AGBL4: variants seen among roughly 807,000 people sequenced by gnomAD.
AGBL4 encodes cytosolic carboxypeptidase 6.
Under a neutral mutation model 66.4 loss-of-function variants are expected in AGBL4, and 58 were observed. That is an observed-to-expected ratio of 0.87 (90% CI 0.71 to 1.09). The LOEUF is 1.09. AGBL4 is among the 50% of genes least tolerant of loss of function. The pLI is 0.00. For synonymous variants in AGBL4, 234 were observed against 222.9 expected (o/e 1.05, Z -0.44); for missense variants, 579 against 631.0 (o/e 0.92, Z 0.88).
intron 5 of AGBL4, among the ~76,000 whole-genome samples, chr1:48,990,510 A>G (rs936574481): frequency 4.6e-5 from 7 of 152,142 alleles, no homozygotes; most frequent in Admixed American, 2.0e-4. Flanking sequence ...TAGTAGTTTC[A>G]TAGTTTGGGG....
At chr1:49,757,906 G>A (rs950421657) in intron 2 of AGBL4, among the ~76,000 whole-genome samples, 1 of 152,206 alleles carries the variant, frequency 6.6e-6, no homozygotes, top group African/African-American at 2.4e-5. Context: ...GGAGCTGAAT[G>A]TTAATTGATA....
chr1:49,322,537 T>A (rs991561908), intron 3 of AGBL4, among the ~76,000 whole-genome samples: 3 of 152,180 alleles, frequency 2.0e-5, no homozygotes, highest in African/African-American at 2.4e-5. Context: ...TGAGATGAAA[T>A]CATCTTAGAT....
rs528561103 is a variant in AGBL4 at position 49,883,008 on chromosome 1, A to G, written c.35-31490T>C. Among the ~76,000 whole-genome samples, 11 of 152,270 alleles carry G rather than the reference A, an allele frequency of 7.2e-5. No individual in the cohort carries two copies. In the South Asian group the frequency reaches 2.1e-3, roughly 29 times the overall value. The stretch of plus-strand genomic sequence containing the variant: ...CCTACCTCTGCCTACACGTACATGC[A>G]AAAAATTTAACATGGCTTTAATAAA... On this transcript the variant is annotated intron_variant, in intron 1 of 13. Coordinates refer to ENST00000371839, the MANE Select transcript of AGBL4 (RefSeq NM_032785.4).
intron 6 of AGBL4, among the ~76,000 whole-genome samples, chr1:48,692,496 C>T (rs886475586): frequency 1.3e-5 from 2 of 152,148 alleles, no homozygotes; most frequent in Non-Finnish European, 2.9e-5. Context: ...GGGAGAGGAG[C>T]GTGGGCTGGC....
intron 5 of AGBL4, among the ~76,000 whole-genome samples, chr1:49,030,240 C>T (rs949374417): frequency 1.2e-4 from 18 of 152,000 alleles, no homozygotes; most frequent in Admixed American, 6.6e-4. Context: ...GGAACCTTCA[C>T]GAATGGGTTT....
intron 3 of AGBL4, among the ~76,000 whole-genome samples, chr1:49,430,130 G>C (rs1326770050): frequency 2.0e-5 from 3 of 152,102 alleles, no homozygotes; most frequent in African/African-American, 7.2e-5. Context: ...TGGGATTACA[G>C]GCGTGAGACA....
Position 50,019,306 on chromosome 1 carries a change from T to TCTCACACACACA in AGBL4, c.34+4456_34+4457insTGTGTGTGTGAG, listed in dbSNP as rs1167835143. 2.6e-3 allele frequency among the ~76,000 whole-genome samples: 127 copies of TCTCACACACACA among 48,440 alleles called. 1 individual carries two copies. Among genetic ancestry groups the TCTCACACACACA allele is most frequent in the East Asian group, 0.012 (11 of 940 alleles). The allele number at this position is 48,440 out of a possible 152,430, so 31.8% of individuals were successfully genotyped here. A position where few individuals can be genotyped will look rare whatever the true frequency, so the allele number is the denominator to read the frequency against. On this transcript the variant is annotated intron_variant, in intron 1 of 13. Transcript: ENST00000371839. ...CTCTCTCTCTCTCTCTCTCTCTCTC[T>TCTCACACACACA]CACACACACACACACACACACACAC...
intron 1 of AGBL4, among the ~76,000 whole-genome samples, chr1:49,909,772 T>C (rs906897951): frequency 6.6e-6 from 1 of 152,310 alleles, no homozygotes; most frequent in South Asian, 2.1e-4. Flanking sequence ...TCAGGACTCA[T>C]TCATCAGGAT....
chr1:49,404,263 T>C (rs900044739), intron 3 of AGBL4, among the ~76,000 whole-genome samples: 3 of 151,996 alleles, frequency 2.0e-5, no homozygotes, highest in Admixed American at 6.6e-5. Flanking sequence ...TATAGGAAAA[T>C]ACACCAGAAA....
chr1:48,894,176 T>C (rs1359460777), intron 5 of AGBL4, among the ~76,000 whole-genome samples: 1 of 152,240 alleles, frequency 6.6e-6, no homozygotes, highest in African/African-American at 2.4e-5. Flanking sequence ...GCTGAAATGA[T>C]GAAGATTTAG....
chr1:49,404,711 T>C (rs531653706), intron 3 of AGBL4, among the ~76,000 whole-genome samples: 1 of 152,368 alleles, frequency 6.6e-6, no homozygotes, highest in East Asian at 1.9e-4. Flanking sequence ...TGGTTTAATA[T>C]GGCAGATTTT....
chr1:49,865,231 C>T (rs1646672899), intron 1 of AGBL4, among the ~76,000 whole-genome samples: 1 of 152,162 alleles, frequency 6.6e-6, no homozygotes, highest in Admixed American at 6.5e-5. Flanking sequence ...CGCCCCAGTG[C>T]AGACAGCCCC....
At chr1:49,117,784 G>T (rs1372376824) in intron 4 of AGBL4, among the ~76,000 whole-genome samples, 1 of 152,062 alleles carries the variant, frequency 6.6e-6, no homozygotes, top group Non-Finnish European at 1.5e-5. Flanking sequence ...GATGGGGATG[G>T]CATTGAATCT....
At chr1:49,261,309 G>C (rs1192121060) in intron 3 of AGBL4, among the ~76,000 whole-genome samples, 2 of 152,192 alleles carry the variant, frequency 1.3e-5, no homozygotes, top group East Asian at 3.9e-4. Context: ...TTCTGGCCAA[G>C]GAAATTAGGC....
intron 5 of AGBL4, among the ~76,000 whole-genome samples, chr1:48,922,087 T>C (rs922720873): frequency 1.3e-5 from 2 of 152,316 alleles, no homozygotes; most frequent in East Asian, 1.9e-4. Flanking sequence ...ACAGCCCTTC[T>C]AGTTTAAGGA....
At chr1:49,897,507 T>G (rs536507290) in intron 1 of AGBL4, among the ~76,000 whole-genome samples, 11 of 152,134 alleles carry the variant, frequency 7.2e-5, no homozygotes, top group African/African-American at 2.6e-4. Context: ...GAAGAATCAA[T>G]ATTATTAAAA....
At chr1:48,829,332 A>G (rs1161161247) in intron 6 of AGBL4, among the ~76,000 whole-genome samples, 1 of 152,240 alleles carries the variant, frequency 6.6e-6, no homozygotes, top group Non-Finnish European at 1.5e-5. Flanking sequence ...GTTACAGCCT[A>G]TGCCGTTGGC....
chr1:48,966,174 T>C (rs565182669), intron 5 of AGBL4, among the ~76,000 whole-genome samples: 3 of 152,274 alleles, frequency 2.0e-5, no homozygotes, highest in Admixed American at 6.5e-5. Flanking sequence ...CGTCAACCCA[T>C]GCTTTCTTCT....
At position 48,776,385 on chromosome 1, in the gene AGBL4, TCGGGGAAG is replaced by T. The variant is rs1203036928; in HGVS notation, c.634+90798_634+90805del. Among the ~76,000 whole-genome samples the T allele has an allele frequency of 3.3e-5, 5 of 152,126 alleles. No individual in the cohort carries two copies. In the East Asian group the frequency reaches 9.7e-4, roughly 29 times the overall value. Reference sequence around the variant, plus strand: ...AAGACGGACTGACAGCGCGGGAGCTTCGGGGAAGCGGGGAAGACAAAGGGGACCATCCG... The same window carrying T: ...AAGACGGACTGACAGCGCGGGAGCTTCGGGGAAGACAAAGGGGACCATCCG... On this transcript the variant is annotated intron_variant, in intron 6 of 13. Coordinates refer to ENST00000371839, the MANE Select transcript of AGBL4 (RefSeq NM_032785.4).
Sources: allele counts gnomAD v4.1 joint callset (sites outside exome capture counted in the v4.1 genomes callset), GRCh38; gene constraint gnomAD v4.1.1; transcripts MANE v1.5; gene names NCBI Gene and HGNC (gene_info 2026-07-23, HGNC 2026-07-21).